The following KIRREL3 variants were observed in gnomAD, a reference collection of about 807,000 sequenced individuals.
KIRREL3 encodes kin of IRRE-like protein 3.
In KIRREL3, 36 loss-of-function variants were observed where a neutral mutation model predicts 89.7. That is an observed-to-expected ratio of 0.40 (90% confidence interval 0.31 to 0.53). The LOEUF (loss-of-function observed/expected upper bound fraction) is 0.53, where lower values mean the gene tolerates loss of function less well. Ranked by LOEUF, KIRREL3 falls within the 20% of genes least tolerant of loss-of-function variation. The pLI, the probability that KIRREL3 is intolerant of heterozygous loss-of-function variation, is 0.49. For synonymous variants in KIRREL3, 445 were observed against 441.4 expected (o/e 1.01, Z -0.10); for missense variants, 864 against 1,056.6 (o/e 0.82, Z 2.53).
intron 1 of KIRREL3, among the ~76,000 whole-genome samples, chr11:126,841,011 C>T (rs1209486666): frequency 6.6e-6 from 1 of 152,166 alleles, no homozygotes; most frequent in Admixed American, 6.5e-5. Context: ...AAACTGTCAA[C>T]AGCATATTGT....
chr11:126,440,782 G>T (rs1322653625), intron 10 of KIRREL3: 8 of 592,286 alleles, frequency 1.4e-5, no homozygotes, highest in Non-Finnish European at 2.4e-5. Context: ...ACCCCCAGAA[G>T]ATACAAATAA....
rs776573864 is a variant in KIRREL3 at position 126,656,331 on chromosome 11, T to C, written c.56-93419A>G. Among the ~76,000 whole-genome samples the C allele has an allele frequency of 1.3e-5, 2 of 152,264 alleles. No homozygotes were observed. The highest frequency in any genetic ancestry group is 2.9e-5 in the Non-Finnish European group (2 of 68,050). On this transcript the variant is annotated intron_variant, in intron 1 of 16. Transcript: ENST00000525144. The surrounding 1 kb of genome is among the most constrained non-coding windows in gnomAD (Gnocchi z 4.0). ...GCAAAATAATTTAAATAAGATAATA[T>C]GTTGAAAACTCTTAGCACCCAATAA...
chr11:126,510,663 G>A (rs1478245879), intron 4 of KIRREL3, among the ~76,000 whole-genome samples: 1 of 152,074 alleles, frequency 6.6e-6, no homozygotes, highest in Non-Finnish European at 1.5e-5. Context: ...AGATATTTGG[G>A]AGGGACCCTA....
chr11:126,603,752 C>G (rs1035136735), intron 1 of KIRREL3, among the ~76,000 whole-genome samples: 7 of 152,232 alleles, frequency 4.6e-5, no homozygotes, highest in Non-Finnish European at 1.0e-4. Flanking sequence ...GGGCTGTTGC[C>G]TCACCTGGCC....
rs911751481 is a variant in KIRREL3, at chr11:126,441,234, C to G, written c.1253-685G>C. Among the ~76,000 whole-genome samples the G allele has an allele frequency of 3.7e-4, 56 of 152,272 alleles. 1 individual carries two copies. The highest frequency in any genetic ancestry group is 1.3e-3 in the African/African-American group (56 of 41,558). On this transcript the variant is annotated intron_variant, in intron 10 of 16. Coordinates refer to ENST00000525144, the MANE Select transcript of KIRREL3 (RefSeq NM_032531.4). The surrounding 1 kb of genome is among the most constrained non-coding windows in gnomAD (Gnocchi z 5.0). ...CCAGACTGCCCAAGTGAGGCCATGG[C>G]TCCCAAACTGACCCCAATATTATCA...
In KIRREL3 at chr11:126,739,086, G is replaced by A. The variant is rs1361542404; in HGVS notation, c.56-176174C>T. Among the ~76,000 whole-genome samples the A allele has an allele frequency of 6.6e-6, 1 of 152,212 alleles. No individual in the cohort carries two copies. The highest frequency in any genetic ancestry group is 1.5e-5 in the Non-Finnish European group (1 of 68,026). ...AGAAACTGGCTTTCAGAGAGACCAA[G>A]TAACTTGCTCAAGGCCACACAGCTA... On this transcript the variant is annotated intron_variant, in intron 1 of 16. Transcript: ENST00000525144. This position sits in a 1 kb window ranked among gnomAD's most constrained non-coding sequence, Gnocchi z 5.5.
intron 1 of KIRREL3, among the ~76,000 whole-genome samples, chr11:126,591,001 A>G (rs581017): frequency 0.79 from 119,663 of 152,220 alleles, 47,030 homozygotes; most frequent in South Asian, 0.8. Flanking sequence ...TGAGGCGGGC[A>G]GATCACTTGA....
Position 126,555,743 on chromosome 11 carries a change from C to A in KIRREL3, c.133+7092G>T, listed in dbSNP as rs1014839330. The stretch of plus-strand genomic sequence containing the variant: ...TTGTAGAACATGCTAACAATGTGAG[C>A]ATTTTTTTTTTTTTTGAGACGGAGT... On this transcript the variant is annotated intron_variant, in intron 2 of 16. Transcript: ENST00000525144. This position sits in a 1 kb window ranked among gnomAD's most constrained non-coding sequence, Gnocchi z 4.2. 3.8e-5 allele frequency among the ~76,000 whole-genome samples: 2 copies of A among 53,064 alleles called. No homozygotes were observed. Among genetic ancestry groups the A allele is most frequent in the African/African-American group, 4.6e-5 (1 of 21,970 alleles). The allele number at this position is 53,064 out of a possible 152,430, so 34.8% of individuals were successfully genotyped here.
At chr11:126,559,696 G>T (rs1939968022) in intron 2 of KIRREL3, among the ~76,000 whole-genome samples, 1 of 151,776 alleles carries the variant, frequency 6.6e-6, no homozygotes, top group Admixed American at 6.6e-5. Flanking sequence ...TTTAGATGGA[G>T]TCTCACTCTG....
In KIRREL3 at chr11:126,605,153, C is replaced by T. The variant is rs749580929; in HGVS notation, c.56-42241G>A. On this transcript the variant is annotated intron_variant, in intron 1 of 16. Coordinates refer to ENST00000525144, the MANE Select transcript of KIRREL3 (RefSeq NM_032531.4). This position sits in a 1 kb window ranked among gnomAD's most constrained non-coding sequence, Gnocchi z 5.7. ...GCTCTTGGCTTTTCTCCTGGATTCC[C>T]TGCTCTCCCATCTGCAGCAGGTTGG... Among the ~76,000 whole-genome samples the T allele has an allele frequency of 1.6e-4, 24 of 152,200 alleles. No homozygotes were observed. Among genetic ancestry groups the T allele is most frequent in the Non-Finnish European group, 2.9e-4 (20 of 68,038 alleles).
chr11:126,497,320 CAG>C (rs796950104), intron 4 of KIRREL3, among the ~76,000 whole-genome samples: 27 of 151,724 alleles, frequency 1.8e-4, no homozygotes, highest in African/African-American at 6.0e-4. Flanking sequence ...GAGAGTAAGA[CAG>C]AGAGAGAGAG....
intron 1 of KIRREL3, among the ~76,000 whole-genome samples, chr11:126,712,294 C>A (rs1947791428): frequency 6.8e-6 from 1 of 146,746 alleles, no homozygotes; most frequent in South Asian, 2.1e-4. Flanking sequence ...TGCGCGCGTG[C>A]ATGCATTTTG....
intron 13 of KIRREL3, among the ~76,000 whole-genome samples, chr11:126,434,571 G>C (rs1955248307): frequency 6.6e-6 from 1 of 152,234 alleles, no homozygotes; most frequent in South Asian, 2.1e-4. Context: ...AGGAGGCCTG[G>C]GATGGAGGAC....
intron 1 of KIRREL3, among the ~76,000 whole-genome samples, chr11:126,706,156 C>A (rs758029848): frequency 1.3e-5 from 2 of 152,164 alleles, no homozygotes; most frequent in African/African-American, 4.8e-5. Flanking sequence ...CATTGCCAAG[C>A]CACAGAACCA....
chr11:126,825,834 A>G (rs1183925111), intron 1 of KIRREL3, among the ~76,000 whole-genome samples: 1 of 152,242 alleles, frequency 6.6e-6, no homozygotes, highest in Non-Finnish European at 1.5e-5. Flanking sequence ...AGAGGGATTA[A>G]GTAACTTGCC....
chr11:126,918,650 C>A lies in KIRREL3; in HGVS notation c.55+81805G>T, dbSNP rs2134958906. Among the ~76,000 whole-genome samples the A allele has an allele frequency of 6.6e-6, 1 of 152,322 alleles. No individual in the cohort carries two copies. The highest frequency in any genetic ancestry group is 2.1e-4 in the South Asian group (1 of 4,832). ...AGTTTATAATCTAAGAAAGGGATTGCAAATACATAGAAAGGCTATTCCATT... is the reference window on the plus strand; with the variant it reads ...AGTTTATAATCTAAGAAAGGGATTGAAAATACATAGAAAGGCTATTCCATT... On this transcript the variant is annotated intron_variant, in intron 1 of 16. Transcript: ENST00000525144. The surrounding 1 kb of genome is among the most constrained non-coding windows in gnomAD (Gnocchi z 6.5).
chr11:126,939,553 C>T (rs2135103946), intron 1 of KIRREL3, among the ~76,000 whole-genome samples: 1 of 152,244 alleles, frequency 6.6e-6, no homozygotes, highest in South Asian at 2.1e-4. Flanking sequence ...GTGGCGTTTC[C>T]AGGAGAAAGG....
chr11:126,984,607 A>ACT (rs577008860), intron 1 of KIRREL3, among the ~76,000 whole-genome samples: 276 of 152,320 alleles, frequency 1.8e-3, no homozygotes, highest in African/African-American at 6.3e-3. Flanking sequence ...CTCATTTACA[A>ACT]GAGAGGGCCT....
At chr11:126,660,978 GAGTA>G (rs947100975) in intron 1 of KIRREL3, among the ~76,000 whole-genome samples, 2 of 152,184 alleles carry the variant, frequency 1.3e-5, no homozygotes, top group Non-Finnish European at 2.9e-5. Flanking sequence ...GGCTTGGAAA[GAGTA>G]AGTCTTTACA....
Sources: gnomAD v4.1 joint callset for allele counts (sites outside exome capture counted in the v4.1 genomes callset) on GRCh38, gnomAD v4.1.1 for gene constraint, Gnocchi (gnomAD v3.1) non-coding constraint, MANE v1.5 for transcripts, NCBI Gene and HGNC (gene_info 2026-07-23, HGNC 2026-07-21) for gene names.